The following WWC2 variants were observed in gnomAD, a reference collection of about 807,000 sequenced individuals.
WWC2 encodes WW and C2 domain containing 2.
WWC2 carries 101 observed loss-of-function variants against 138.5 expected under a neutral mutation model. The ratio of observed to expected loss-of-function variants is 0.73; its 90% CI spans 0.62 to 0.86. The LOEUF is 0.86. Ranked by LOEUF, WWC2 falls within the 40% of genes least tolerant of loss-of-function variation. The pLI is 0.00. For missense variants in WWC2, 1,420 were observed against 1,419.4 expected, an observed-to-expected ratio of 1.00 and a Z score of -0.01; for synonymous variants, 558 against 538.4, an observed-to-expected ratio of 1.04 and a Z score of -0.50.
At chr4:183,112,641 G>A (rs1336435146) in intron 1 of WWC2, among the ~76,000 whole-genome samples, 2 of 152,190 alleles carry the variant, frequency 1.3e-5, no homozygotes, top group Admixed American at 6.5e-5. Context: ...TGAAATAGGT[G>A]AGATCTCTGT....
chr4:183,276,716 T>G (rs977201716), intron 16 of WWC2, among the ~76,000 whole-genome samples: 15 of 152,124 alleles, frequency 9.9e-5, no homozygotes, highest in African/African-American at 3.6e-4. Context: ...TTCTGCATTA[T>G]TGTGCTTCCA....
In WWC2 at chr4:183,265,089, A is replaced by T; in HGVS notation, c.2021A>T (p.Tyr674Phe). ...DESVAGDSGVYEAFVKQPSEM... is the reference protein window; with the variant it reads ...DESVAGDSGVFEAFVKQPSEM... Reference sequence around the variant, plus strand: ...TCTGTGGCTGGAGACAGTGGGGTCTATGAAGCTTTCGTGAAACAGTAAGGA... The same window carrying T: ...TCTGTGGCTGGAGACAGTGGGGTCTTTGAAGCTTTCGTGAAACAGTAAGGA... The change falls in exon 12 of 23, where the codon TAT (tyrosine) becomes TTT (phenylalanine). Residue 674 changes from tyrosine (Y) to phenylalanine (F), a missense_variant. Physicochemically the swap from Tyr to Phe is conservative, Grantham distance 22. Transcript: ENST00000403733. 1 of 1,609,178 alleles carries T rather than the reference A, an allele frequency of 6.2e-7. No homozygotes were observed. The highest frequency in any genetic ancestry group is 8.5e-7 in the Non-Finnish European group (1 of 1,177,928).
At chr4:183,136,356 G>C (rs1733114146) in intron 1 of WWC2, among the ~76,000 whole-genome samples, 1 of 151,996 alleles carries the variant, frequency 6.6e-6, no homozygotes, top group Non-Finnish European at 1.5e-5. Context: ...CACAAATTCT[G>C]TCTTTGATTG....
chr4:183,185,945 ATTT>A (rs546555995), intron 1 of WWC2, among the ~76,000 whole-genome samples: 7 of 131,188 alleles, frequency 5.3e-5, no homozygotes, highest in East Asian at 2.2e-4. Flanking sequence ...TTTAACATAG[ATTT>A]TTTTTTTTTT....
intron 21 of WWC2, among the ~76,000 whole-genome samples, chr4:183,292,843 G>A (rs1738502839): frequency 6.6e-6 from 1 of 152,202 alleles, no homozygotes; most frequent in African/African-American, 2.4e-5. Flanking sequence ...TTTCATTTAT[G>A]AGTGTAGATG....
At position 183,107,040 on chromosome 4, in the gene WWC2, G is replaced by A. The variant is rs80290846; in HGVS notation, c.131+7418G>A. 8.4e-3 allele frequency among the ~76,000 whole-genome samples: 1,278 copies of A among 152,266 alleles called. 6 individuals carry two copies. The highest frequency in any genetic ancestry group is 0.012 in the Non-Finnish European group (829 of 68,016). On this transcript the variant is annotated intron_variant, in intron 1 of 22. Coordinates refer to ENST00000403733, the MANE Select transcript of WWC2 (RefSeq NM_024949.6). Reference sequence around the variant, plus strand: ...ACCATTTTACATTCCCACCAGCAGGGTATGAGTGTGCAAATTCCTCCACAT... The same window carrying A: ...ACCATTTTACATTCCCACCAGCAGGATATGAGTGTGCAAATTCCTCCACAT...
intron 1 of WWC2, among the ~76,000 whole-genome samples, chr4:183,174,328 C>T (rs1252997588): frequency 6.6e-6 from 1 of 152,204 alleles, no homozygotes; most frequent in African/African-American, 2.4e-5. Flanking sequence ...TCACACCCTC[C>T]GTCTGAAGTC....
intron 1 of WWC2, among the ~76,000 whole-genome samples, chr4:183,163,967 A>G (rs965583696): frequency 9.2e-5 from 14 of 152,206 alleles, no homozygotes; most frequent in South Asian, 2.1e-4. Context: ...CCTATGGACA[A>G]TTGAGTCAAG....
chr4:183,186,104 C>T (rs1225708914), intron 1 of WWC2, among the ~76,000 whole-genome samples: 1 of 152,000 alleles, frequency 6.6e-6, no homozygotes. Context: ...CCCCCCACCA[C>T]TCCCAGCTAA....
intron 1 of WWC2, among the ~76,000 whole-genome samples, chr4:183,120,325 A>C (rs1310546637): frequency 2.0e-5 from 3 of 152,348 alleles, no homozygotes; most frequent in East Asian, 3.9e-4. Context: ...TTAACAAAGA[A>C]AGATGTATTA....
intron 1 of WWC2, among the ~76,000 whole-genome samples, chr4:183,171,851 T>G (rs1020557189): frequency 6.6e-6 from 1 of 152,232 alleles, no homozygotes; most frequent in Non-Finnish European, 1.5e-5. Context: ...CCGCCCTGGT[T>G]GAGGATTCAG....
In WWC2 at chr4:183,248,863, A is replaced by G. The variant is rs1163606965; in HGVS notation, c.879+3A>G. ...CACAAACAAGCATTTCCGGAGATGT[A>G]AGTTATCTGTGCTGAAGAGTTGGCC... On this transcript the variant is annotated splice_donor_region_variant and intron_variant, in intron 7 of 22. Transcript: ENST00000403733. 1 of 1,590,538 alleles carries G rather than the reference A, an allele frequency of 6.3e-7. No individual in the cohort carries two copies. Among genetic ancestry groups the G allele is most frequent in the East Asian group, 2.3e-5 (1 of 44,396 alleles).
Position 183,245,548 on chromosome 4 carries a change from A to G in WWC2, c.732+3A>G. ...AAGAAAAACAAGATCTGATGCAGGT[A>G]CATTATAAAACATTTTGTTAAGCCA... On this transcript the variant is annotated splice_donor_region_variant and intron_variant, in intron 6 of 22. Coordinates refer to ENST00000403733, the MANE Select transcript of WWC2 (RefSeq NM_024949.6). 3 of 1,572,798 alleles carry G rather than the reference A, an allele frequency of 1.9e-6. No homozygotes were observed. The highest frequency in any genetic ancestry group is 8.6e-7 in the Non-Finnish European group (1 of 1,165,384).
chr4:183,196,563 A>G (rs1735147764), intron 2 of WWC2, among the ~76,000 whole-genome samples: 1 of 152,162 alleles, frequency 6.6e-6, no homozygotes, highest in Non-Finnish European at 1.5e-5. Context: ...AGTCTTTCCC[A>G]GAGTCCAGAT....
In WWC2 at chr4:183,318,736, T is replaced by C. The variant is rs1156890812; in HGVS notation, c.*3007T>C. The C allele has an allele frequency of 6.6e-6, 1 of 152,218 alleles. No individual in the cohort carries two copies. The highest frequency in any genetic ancestry group is 2.4e-5 in the African/African-American group (1 of 41,452). The allele number at this position is 152,218 out of a possible 1,614,324, so 9.4% of individuals were successfully genotyped here. A position where few individuals can be genotyped will look rare whatever the true frequency, so the allele number is the denominator to read the frequency against. On this transcript the variant is annotated 3_prime_UTR_variant, in exon 23 of 23. Coordinates refer to ENST00000403733, the MANE Select transcript of WWC2 (RefSeq NM_024949.6). ...AAGTATTTTCATTGAGCAAATAAAA[T>C]GAAGGGCTCCAGAATATGTGCTCTG... is the stretch of plus-strand genomic sequence containing the variant.
chr4:183,210,321 A>G (rs1735561810), intron 4 of WWC2, among the ~76,000 whole-genome samples: 1 of 152,094 alleles, frequency 6.6e-6, no homozygotes, highest in Admixed American at 6.6e-5. Context: ...GTGTGGTTCA[A>G]AGGATAAAAG....
intron 1 of WWC2, among the ~76,000 whole-genome samples, chr4:183,142,837 C>T (rs1264558730): frequency 6.6e-6 from 1 of 152,214 alleles, no homozygotes; most frequent in Non-Finnish European, 1.5e-5. Context: ...GGTGGTTTTA[C>T]TGTTCAGTAT....
intron 21 of WWC2, among the ~76,000 whole-genome samples, chr4:183,312,113 T>C (rs902444012): frequency 6.6e-6 from 1 of 152,126 alleles, no homozygotes; most frequent in Non-Finnish European, 1.5e-5. Flanking sequence ...TGTAATTAGA[T>C]TTCTAAAATG....
intron 1 of WWC2, among the ~76,000 whole-genome samples, chr4:183,170,404 CTT>C: frequency 6.6e-6 from 1 of 152,322 alleles, no homozygotes; most frequent in African/African-American, 2.4e-5. Context: ...CTTGGACAAA[CTT>C]TCCAGCTCTC....
Sources: allele counts gnomAD v4.1 joint callset (sites outside exome capture counted in the v4.1 genomes callset), GRCh38; gene constraint gnomAD v4.1.1; transcripts MANE v1.5; gene names NCBI Gene and HGNC (gene_info 2026-07-23, HGNC 2026-07-21).